Variants in PSORS1C1 observed in about 807,000 individuals in gnomAD.
PSORS1C1 encodes the protein psoriasis susceptibility 1 candidate 1.
A neutral mutation model predicts 9.4 loss-of-function variants in PSORS1C1; 7 were observed. That is an observed-to-expected ratio of 0.75 (90% CI 0.42 to 1.40). The LOEUF (loss-of-function observed/expected upper bound fraction) is 1.40, where lower values mean the gene tolerates loss of function less well. Among genes scored for constraint, PSORS1C1 ranks in the 40% most tolerant of loss-of-function variants. The pLI is 0.01. For missense variants in PSORS1C1, 146 were observed against 178.1 expected, an observed-to-expected ratio of 0.82 and a Z score of 1.02; for synonymous variants, 63 against 69.4, an observed-to-expected ratio of 0.91 and a Z score of 0.46.
chr6:31,125,377 G>T (rs897174809), intron 1 of PSORS1C1, among the ~76,000 whole-genome samples: 1 of 152,072 alleles, frequency 6.6e-6, no homozygotes, highest in Non-Finnish European at 1.5e-5. Context: ...TCTCCTTGGC[G>T]TGGAAGCCAG....
At chr6:31,117,476 G>T (rs147268533) in intron 1 of PSORS1C1, 1 of 1,553,104 alleles carries the variant, frequency 6.4e-7, no homozygotes, top group Non-Finnish European at 8.7e-7. Flanking sequence ...GAGGTGATAC[G>T]CGTGGGGTCC....
intron 3 of PSORS1C1, among the ~76,000 whole-genome samples, chr6:31,134,590 C>T (rs938314846): frequency 2.6e-5 from 4 of 152,144 alleles, no homozygotes; most frequent in Non-Finnish European, 4.4e-5. Flanking sequence ...CAGGCGTGAG[C>T]CACCGCGCCT....
At position 31,132,781 on chromosome 6, in the gene PSORS1C1, T is replaced by C. The variant is rs375871474; in HGVS notation, c.13+3136T>C. On this transcript the variant is annotated intron_variant, in intron 3 of 5. Coordinates refer to ENST00000259881, the MANE Select transcript of PSORS1C1 (RefSeq NM_014068.3). The stretch of plus-strand genomic sequence containing the variant: ...GGAGGACCACTTGAGCCCAGGAGGT[T>C]GAGACTGCAATGAGTTATGATTGTG... Among the ~76,000 whole-genome samples the C allele has an allele frequency of 6.1e-4, 92 of 151,760 alleles. No individual in the cohort carries two copies. In the East Asian group the frequency reaches 7.9e-3, roughly 13 times the overall value.
intron 1 of PSORS1C1, among the ~76,000 whole-genome samples, chr6:31,125,264 C>T (rs753582248): frequency 5.9e-5 from 9 of 152,120 alleles, no homozygotes; most frequent in Non-Finnish European, 1.0e-4. Flanking sequence ...CTTTGTTCCT[C>T]TCTGCTTGGC....
At chr6:31,120,397 C>A in intron 1 of PSORS1C1, 2 of 1,592,292 alleles carry the variant, frequency 1.3e-6, no homozygotes, top group East Asian at 2.3e-5. Flanking sequence ...ACGCCCCATC[C>A]AGGGTGCCCG....
Position 31,129,603 on chromosome 6 carries a change from C to G in PSORS1C1, c.-30C>G, listed in dbSNP as rs371098747. On this transcript the variant is annotated 5_prime_UTR_variant, in exon 3 of 6. Coordinates refer to ENST00000259881, the MANE Select transcript of PSORS1C1 (RefSeq NM_014068.3). ...AATTGGTTTGCAGCCAGGCAGTCCT[C>G]CATCCAGTCTTGACTTTGGCACTTG... is the stretch of plus-strand genomic sequence containing the variant. 316 of 779,904 alleles carry G rather than the reference C, an allele frequency of 4.1e-4. 2 individuals are homozygous for G. The highest frequency in any genetic ancestry group is 3.3e-3 in the East Asian group (137 of 41,248). The allele number at this position is 779,904 out of a possible 1,614,324, so 48.3% of individuals were successfully genotyped here.
intron 3 of PSORS1C1, chr6:31,137,968 G>C: frequency 2.0e-6 from 3 of 1,496,878 alleles, no homozygotes; most frequent in East Asian, 2.3e-5. Context: ...TACTCTTCCC[G>C]GGGTGGGTCT....
chr6:31,138,804 A>C (rs1369140108), intron 5 of PSORS1C1, 25 bp downstream of exon 5: 1 of 1,614,022 alleles, frequency 6.2e-7, no homozygotes, highest in East Asian at 2.2e-5. Context: ...CACCTTCTGC[A>C]CCATGTCCCC....
At position 31,139,121 on chromosome 6, in the gene PSORS1C1, C is replaced by G; in HGVS notation, c.167+342C>G. 1 of 934,836 alleles carries G rather than the reference C, an allele frequency of 1.1e-6. No homozygotes were observed. The highest frequency in any genetic ancestry group is 1.7e-6 in the Non-Finnish European group (1 of 581,780). 57.9% of individuals were successfully genotyped at this position (934,836 alleles called of 1,614,324 possible). A position where few individuals can be genotyped will look rare whatever the true frequency, so the allele number is the denominator to read the frequency against. ...AGGGGAGGAGTGGAGGAGGGACCAG[C>G]CCAGTGGCACAGGAATACCATCAGA... On this transcript the variant is annotated intron_variant, in intron 5 of 5. Coordinates refer to ENST00000259881, the MANE Select transcript of PSORS1C1 (RefSeq NM_014068.3). This position sits in a 1 kb window ranked among gnomAD's most constrained non-coding sequence, Gnocchi z 5.2.
intron 3 of PSORS1C1, among the ~76,000 whole-genome samples, chr6:31,136,940 G>A (rs1773165197): frequency 6.6e-6 from 1 of 152,012 alleles, no homozygotes. Flanking sequence ...CACGATGTCA[G>A]GAGTTCGAGA....
At chr6:31,133,543 C>G (rs1349881810) in intron 3 of PSORS1C1, 1 of 152,376 alleles carries the variant, frequency 6.6e-6, no homozygotes, top group Non-Finnish European at 1.5e-5. Flanking sequence ...ACTGCCTGTT[C>G]TTCTCTCAGG....
In PSORS1C1 at chr6:31,140,015, C is replaced by G; in HGVS notation, c.*83C>G. 1.5e-6 allele frequency: 2 copies of G among 1,353,152 alleles called. No homozygotes were observed. Among genetic ancestry groups the G allele is most frequent in the Non-Finnish European group, 2.1e-6 (2 of 971,626 alleles). The allele number at this position is 1,353,152 out of a possible 1,614,324, so 83.8% of individuals were successfully genotyped here. On this transcript the variant is annotated 3_prime_UTR_variant, in exon 6 of 6. Coordinates refer to ENST00000259881, the MANE Select transcript of PSORS1C1 (RefSeq NM_014068.3). This position sits in a 1 kb window ranked among gnomAD's most constrained non-coding sequence, Gnocchi z 4.6. ...GTTAGCCTTTCAGAAGTAACATGTC[C>G]AAAATAAAATTTGATTCCTCCCAGG...
intron 2 of PSORS1C1, among the ~76,000 whole-genome samples, chr6:31,126,352 T>C (rs12191595): frequency 0.016 from 2,482 of 152,314 alleles, 30 homozygotes; most frequent in Middle Eastern, 0.024. Flanking sequence ...AGGACCGTGC[T>C]GTATACTTTA....
chr6:31,115,948 C>T lies in PSORS1C1; in HGVS notation c.-229+1057C>T, dbSNP rs1772083944. On this transcript the variant is annotated intron_variant, in intron 1 of 5. Transcript: ENST00000259881. This position sits in a 1 kb window ranked among gnomAD's most constrained non-coding sequence, Gnocchi z 4.2. ...ACTGAGCTAACCCTATGCCTGGGCA[C>T]TGGACTTCTCCCATATGGGATATAG... 1 of 1,333,570 alleles carries T rather than the reference C, an allele frequency of 7.5e-7. No individual in the cohort carries two copies. Among genetic ancestry groups the T allele is most frequent in the Non-Finnish European group, 1.1e-6 (1 of 931,160 alleles). The allele number at this position is 1,333,570 out of a possible 1,614,324, so 82.6% of individuals were successfully genotyped here.
At chr6:31,130,863 T>TA (rs1460913239) in intron 3 of PSORS1C1, among the ~76,000 whole-genome samples, 1 of 120,852 alleles carries the variant, frequency 8.3e-6, no homozygotes, top group African/African-American at 2.7e-5. Context: ...TTAATTTTAA[T>TA]TTTTTTTTTT....
chr6:31,137,675 G>C (rs564739821), intron 3 of PSORS1C1: 60 of 374,120 alleles, frequency 1.6e-4, no homozygotes, highest in Non-Finnish European at 2.5e-4. Flanking sequence ...GGAAGACCGG[G>C]TGGGAGGTAG....
Position 31,115,078 on chromosome 6 carries a change from G to A in PSORS1C1, c.-229+187G>A, listed in dbSNP as rs954149829. 4 of 357,066 alleles carry A rather than the reference G, an allele frequency of 1.1e-5. No homozygotes were observed. The highest frequency in any genetic ancestry group is 6.4e-5 in the African/African-American group (3 of 46,696). The allele number at this position is 357,066 out of a possible 1,614,324, so 22.1% of individuals were successfully genotyped here. ...AATGGCGGAAGGATCTGGGAGGCCA[G>A]GCAATCTCTGCTTTCAGTTCAACAA... On this transcript the variant is annotated intron_variant, in intron 1 of 5. Coordinates refer to ENST00000259881, the MANE Select transcript of PSORS1C1 (RefSeq NM_014068.3). This position sits in a 1 kb window ranked among gnomAD's most constrained non-coding sequence, Gnocchi z 4.2.
At position 31,128,288 on chromosome 6, in the gene PSORS1C1, C is replaced by T. The variant is rs370333982; in HGVS notation, c.-64-1281C>T. ...ACACCTGAGAGGAGTCTCTAGGCTGCCCTCTGGTGGCAGTTCTTGGAACAA... is the reference window on the plus strand; with the variant it reads ...ACACCTGAGAGGAGTCTCTAGGCTGTCCTCTGGTGGCAGTTCTTGGAACAA... On this transcript the variant is annotated intron_variant, in intron 2 of 5. Coordinates refer to ENST00000259881, the MANE Select transcript of PSORS1C1 (RefSeq NM_014068.3). This position sits in a 1 kb window ranked among gnomAD's most constrained non-coding sequence, Gnocchi z 4.3. 7.2e-5 allele frequency among the ~76,000 whole-genome samples: 11 copies of T among 152,008 alleles called. No homozygotes were observed. The East Asian group carries it at 1.4e-3, about 19-fold the overall frequency.
chr6:31,136,166 C>G (rs1265626952), intron 3 of PSORS1C1, among the ~76,000 whole-genome samples: 1 of 152,074 alleles, frequency 6.6e-6, no homozygotes, highest in African/African-American at 2.4e-5. Context: ...GCAAGCAGAT[C>G]CCATGAGATC....
Sources: gnomAD v4.1 joint callset for allele counts (sites outside exome capture counted in the v4.1 genomes callset) on GRCh38, gnomAD v4.1.1 for gene constraint, Gnocchi (gnomAD v3.1) non-coding constraint, MANE v1.5 for transcripts, NCBI Gene and HGNC (gene_info 2026-07-23, HGNC 2026-07-21) for gene names.